Variants in GRM1 observed in about 807,000 individuals in gnomAD.
The protein encoded by GRM1 is glutamate metabotropic receptor 1, also known as metabotropic glutamate receptor 1.
A neutral mutation model predicts 90.9 loss-of-function variants in GRM1; 33 were observed. The observed-to-expected ratio is 0.36, with a 90% CI of 0.28 to 0.49. The LOEUF (loss-of-function observed/expected upper bound fraction) is 0.49, where lower values mean the gene tolerates loss of function less well. Ranked by LOEUF, GRM1 falls within the 20% of genes least tolerant of loss-of-function variation. The pLI, the probability that GRM1 is intolerant of heterozygous loss-of-function variation, is 0.99. For synonymous variants in GRM1, 700 were observed against 613.2 expected (o/e 1.14, Z -2.09); for missense variants, 1,190 against 1,534.3 (o/e 0.78, Z 3.75).
chr6:146,061,323 AC>A (rs1177740453), intron 1 of GRM1, among the ~76,000 whole-genome samples: 1 of 152,130 alleles, frequency 6.6e-6, no homozygotes, highest in Non-Finnish European at 1.5e-5. Context: ...GCACTCATAG[AC>A]TTGTTCTATG....
At chr6:146,165,364 A>T (rs1777870734) in intron 2 of GRM1, among the ~76,000 whole-genome samples, 1 of 152,158 alleles carries the variant, frequency 6.6e-6, no homozygotes, top group South Asian at 2.1e-4. Context: ...TTTTAAAAAT[A>T]AAATATGAGT....
At chr6:146,312,504 T>C (rs1323188466) in intron 3 of GRM1, among the ~76,000 whole-genome samples, 1 of 152,170 alleles carries the variant, frequency 6.6e-6, no homozygotes, top group African/African-American at 2.4e-5. Context: ...TAACTCTTCA[T>C]ACAGATCTGG....
intron 3 of GRM1, among the ~76,000 whole-genome samples, chr6:146,349,398 G>A (rs532990230): frequency 4.4e-4 from 67 of 152,010 alleles, no homozygotes; most frequent in Non-Finnish European, 7.2e-4. Flanking sequence ...TATTATTGTA[G>A]ATATGAAGCT....
At chr6:146,103,256 T>C (rs1777110475) in intron 1 of GRM1, among the ~76,000 whole-genome samples, 1 of 152,140 alleles carries the variant, frequency 6.6e-6, no homozygotes, top group African/African-American at 2.4e-5. Context: ...TAATGAAAAA[T>C]TTTTAACAGT....
rs141914111 is a variant in GRM1 at position 146,054,055 on chromosome 6, T to C, written c.700+23838T>C. On this transcript the variant is annotated intron_variant, in intron 1 of 7. Transcript: ENST00000282753. The stretch of plus-strand genomic sequence containing the variant: ...TGAGAGATAAAAAATGAATAAGATA[T>C]ACTTCTTAATATAGATTATTTAAAT... Among the ~76,000 whole-genome samples, 840 of 152,196 alleles carry C rather than the reference T, an allele frequency of 5.5e-3. 8 individuals are homozygous for C. Among genetic ancestry groups the C allele is most frequent in the African/African-American group, 0.019 (797 of 41,560 alleles).
intron 1 of GRM1, among the ~76,000 whole-genome samples, chr6:146,126,483 A>G (rs1489419593): frequency 6.6e-6 from 1 of 152,164 alleles, no homozygotes; most frequent in Non-Finnish European, 1.5e-5. Context: ...AATTGGTTCA[A>G]CTGGAAGCAA....
At chr6:146,108,677 G>C (rs1186427429) in intron 1 of GRM1, among the ~76,000 whole-genome samples, 4 of 152,304 alleles carry the variant, frequency 2.6e-5, no homozygotes, top group Middle Eastern at 6.8e-3. Context: ...AGCGATTTTG[G>C]AACTGGGTAA....
intron 1 of GRM1, among the ~76,000 whole-genome samples, chr6:146,109,931 A>T (rs988410710): frequency 2.0e-5 from 3 of 152,098 alleles, no homozygotes; most frequent in Admixed American, 6.5e-5. Flanking sequence ...GTTTTGGCCA[A>T]TTTCTCCTAT....
At chr6:146,402,329 C>G (rs896062663) in intron 7 of GRM1, among the ~76,000 whole-genome samples, 1 of 152,114 alleles carries the variant, frequency 6.6e-6, no homozygotes, top group East Asian at 1.9e-4. Context: ...ACTCATTTTT[C>G]TCATTTGTTC....
chr6:146,336,040 C>T (rs927852476), intron 3 of GRM1, among the ~76,000 whole-genome samples: 4 of 152,174 alleles, frequency 2.6e-5, no homozygotes, highest in Non-Finnish European at 5.9e-5. Flanking sequence ...AAGGCCTCCT[C>T]AGCCATGTGG....
intron 3 of GRM1, among the ~76,000 whole-genome samples, chr6:146,316,763 G>T (rs572786699): frequency 2.0e-5 from 3 of 151,614 alleles, no homozygotes; most frequent in Admixed American, 2.0e-4. Flanking sequence ...TTTGAGGGCC[G>T]GGGGACTGTC....
intron 2 of GRM1, among the ~76,000 whole-genome samples, chr6:146,201,647 T>C (rs1779300551): frequency 6.6e-6 from 1 of 152,238 alleles, no homozygotes; most frequent in Non-Finnish European, 1.5e-5. Flanking sequence ...CATTGGGGAT[T>C]ATGGCTTTAG....
At chr6:146,044,192 G>T (rs1004386123) in intron 1 of GRM1, among the ~76,000 whole-genome samples, 3 of 151,794 alleles carry the variant, frequency 2.0e-5, no homozygotes, top group Non-Finnish European at 4.4e-5. Flanking sequence ...GTTCAACCTC[G>T]ATATGGGTGC....
intron 2 of GRM1, among the ~76,000 whole-genome samples, chr6:146,177,104 T>G (rs1161639273): frequency 6.6e-6 from 1 of 152,108 alleles, no homozygotes; most frequent in Non-Finnish European, 1.5e-5. Flanking sequence ...GCCTTAAGTA[T>G]TTGGCTTCAA....
intron 7 of GRM1, among the ~76,000 whole-genome samples, chr6:146,409,856 C>T (rs1186286778): frequency 6.6e-6 from 1 of 152,110 alleles, no homozygotes; most frequent in Non-Finnish European, 1.5e-5. Context: ...TGGCTGCTAA[C>T]AAAATTAGGC....
At chr6:146,321,230 C>T (rs1784178925) in intron 3 of GRM1, among the ~76,000 whole-genome samples, 2 of 152,120 alleles carry the variant, frequency 1.3e-5, no homozygotes, top group African/African-American at 4.8e-5. Flanking sequence ...TAGTTATATA[C>T]CCAGTAGTCA....
intron 1 of GRM1, among the ~76,000 whole-genome samples, chr6:146,048,466 G>C (rs965260885): frequency 6.6e-6 from 1 of 151,886 alleles, no homozygotes; most frequent in Admixed American, 6.6e-5. Context: ...TAAAACATAT[G>C]CTTTTTCAAA....
intron 2 of GRM1, among the ~76,000 whole-genome samples, chr6:146,202,183 C>G (rs1779319403): frequency 6.6e-6 from 1 of 152,166 alleles, no homozygotes; most frequent in East Asian, 1.9e-4. Context: ...TCATACACAT[C>G]AATATATCAT....
chr6:146,408,541 TAAAAACATGGGAAGGTATATGA>T (rs1777441002), intron 7 of GRM1, among the ~76,000 whole-genome samples: 2 of 152,318 alleles, frequency 1.3e-5, no homozygotes, highest in East Asian at 3.9e-4. Context: ...ATTAAAATTA[TAAAAACATGGGAAGGTATATGA>T]AAGTTCTTAT....
Sources: allele counts gnomAD v4.1 joint callset (sites outside exome capture counted in the v4.1 genomes callset), GRCh38; gene constraint gnomAD v4.1.1; transcripts MANE v1.5; gene names NCBI Gene and HGNC (gene_info 2026-07-23, HGNC 2026-07-21).